SEMA6D: variants seen among roughly 807,000 people sequenced by gnomAD.
SEMA6D encodes semaphorin-6D.
A neutral mutation model predicts 106.6 loss-of-function variants in SEMA6D; 35 were observed. The ratio of observed to expected loss-of-function variants is 0.33; its 90% CI spans 0.25 to 0.44. The LOEUF (loss-of-function observed/expected upper bound fraction) is 0.44. Among genes scored for constraint, SEMA6D ranks in the 20% least tolerant of loss-of-function variants. The pLI, the probability that SEMA6D is intolerant of heterozygous loss-of-function variation, is 1.00. For synonymous variants in SEMA6D, 499 were observed against 487.7 expected, an observed-to-expected ratio of 1.02 and a Z score of -0.31; for missense variants, 1,185 against 1,345.9, an observed-to-expected ratio of 0.88 and a Z score of 1.87.
intron 1 of SEMA6D, among the ~76,000 whole-genome samples, chr15:47,378,027 C>T (rs2039508723): frequency 1.3e-5 from 2 of 152,182 alleles, no homozygotes; most frequent in African/African-American, 2.4e-5. Flanking sequence ...AAAGCCCATA[C>T]TTGAACCGTG....
chr15:47,499,224 T>C (rs545156359), intron 3 of SEMA6D, among the ~76,000 whole-genome samples: 1 of 152,206 alleles, frequency 6.6e-6, no homozygotes, highest in East Asian at 1.9e-4. Flanking sequence ...AAGACTGAGG[T>C]CTAAGACCAA....
intron 1 of SEMA6D, among the ~76,000 whole-genome samples, chr15:47,191,436 T>C (rs2140952633): frequency 6.6e-6 from 1 of 152,256 alleles, no homozygotes; most frequent in East Asian, 1.9e-4. Flanking sequence ...TGTTACCTTT[T>C]ATGGAAAGGT....
At chr15:47,333,738 G>C (rs962189991) in intron 1 of SEMA6D, among the ~76,000 whole-genome samples, 1 of 152,158 alleles carries the variant, frequency 6.6e-6, no homozygotes, top group African/African-American at 2.4e-5. Context: ...TTTTAACTGG[G>C]GGAAGGCAAA....
intron 3 of SEMA6D, among the ~76,000 whole-genome samples, chr15:47,600,443 G>T (rs1386288296): frequency 2.0e-5 from 3 of 152,096 alleles, no homozygotes; most frequent in Non-Finnish European, 4.4e-5. Flanking sequence ...TGAAACAGCT[G>T]CCTCAGCCCA....
At chr15:47,476,981 C>T (rs540365623) in intron 3 of SEMA6D, among the ~76,000 whole-genome samples, 21 of 152,204 alleles carry the variant, frequency 1.4e-4, no homozygotes, top group East Asian at 7.7e-4. Context: ...ATGAAAAGTC[C>T]GTGGTGTGGG....
At chr15:47,300,992 T>G (rs1459286199) in intron 1 of SEMA6D, among the ~76,000 whole-genome samples, 2 of 152,242 alleles carry the variant, frequency 1.3e-5, no homozygotes, top group East Asian at 3.8e-4. Context: ...GCTACTCACT[T>G]GCTTCCTCCA....
At chr15:47,472,055 A>G (rs2042866102) in intron 3 of SEMA6D, among the ~76,000 whole-genome samples, 1 of 152,030 alleles carries the variant, frequency 6.6e-6, no homozygotes, top group Admixed American at 6.6e-5. Context: ...CAAATACTTT[A>G]TCCTTGGAAA....
intron 1 of SEMA6D, among the ~76,000 whole-genome samples, chr15:47,198,116 TCA>T (rs1033341170): frequency 2.6e-5 from 4 of 152,206 alleles, no homozygotes; most frequent in Non-Finnish European, 5.9e-5. Context: ...ATGATCTCAC[TCA>T]CACGTGGAAT....
At chr15:47,392,354 T>C (rs949376276) in intron 1 of SEMA6D, among the ~76,000 whole-genome samples, 1 of 152,132 alleles carries the variant, frequency 6.6e-6, no homozygotes, top group African/African-American at 2.4e-5. Flanking sequence ...GAAGATGTGA[T>C]TAAATTGAGG....
At chr15:47,760,835 C>T (rs1006574430) in intron 3 of SEMA6D, 143 bp from the exon 4 acceptor site, 2 of 724,866 alleles carry the variant, frequency 2.8e-6, no homozygotes, top group Non-Finnish European at 4.5e-6. Context: ...TGAAAAAGTA[C>T]TCTTTGTTGA....
intron 3 of SEMA6D, among the ~76,000 whole-genome samples, chr15:47,491,455 A>G (rs1297325877): frequency 6.6e-6 from 1 of 150,826 alleles, no homozygotes; most frequent in Non-Finnish European, 1.5e-5. Context: ...AGGCAAAAAT[A>G]AGCAATACAT....
intron 4 of SEMA6D, among the ~76,000 whole-genome samples, chr15:47,609,419 C>G (rs924738300): frequency 6.6e-6 from 1 of 152,104 alleles, no homozygotes; most frequent in African/African-American, 2.4e-5. Flanking sequence ...AAATATGAGT[C>G]TACAAGTTTA....
chr15:47,496,115 A>T (rs1388656497), intron 3 of SEMA6D, among the ~76,000 whole-genome samples: 3 of 151,992 alleles, frequency 2.0e-5, no homozygotes, highest in Admixed American at 1.3e-4. Flanking sequence ...TAGGTTTCTG[A>T]TTACTGATGC....
chr15:47,213,588 A>T (rs975761223), intron 1 of SEMA6D, among the ~76,000 whole-genome samples: 3 of 152,204 alleles, frequency 2.0e-5, no homozygotes, highest in African/African-American at 7.2e-5. Context: ...ATGGTCTTAC[A>T]TGCTTAGCTA....
chr15:47,450,117 A>G (rs1036028225), intron 2 of SEMA6D, among the ~76,000 whole-genome samples: 2 of 152,114 alleles, frequency 1.3e-5, no homozygotes, highest in Non-Finnish European at 2.9e-5. Context: ...TTCAGAGCCC[A>G]TTGCACAGGC....
intron 3 of SEMA6D, among the ~76,000 whole-genome samples, chr15:47,555,181 T>C (rs999728425): frequency 6.6e-6 from 1 of 152,156 alleles, no homozygotes; most frequent in African/African-American, 2.4e-5. Flanking sequence ...TCAGGTAGTC[T>C]AAGGGAGGTA....
intron 1 of SEMA6D, among the ~76,000 whole-genome samples, chr15:47,743,107 G>C (rs1220302312): frequency 6.6e-6 from 1 of 152,146 alleles, no homozygotes; most frequent in Non-Finnish European, 1.5e-5. Context: ...TAGGAAATGG[G>C]CCGGACAATA....
chr15:47,695,188 G>C (rs2078672867), intron 4 of SEMA6D, among the ~76,000 whole-genome samples: 1 of 152,132 alleles, frequency 6.6e-6, no homozygotes, highest in Non-Finnish European at 1.5e-5. Flanking sequence ...GACTCAAGCT[G>C]ATTTATAATA....
At chr15:47,722,151 G>A (rs2079460164) in intron 1 of SEMA6D, among the ~76,000 whole-genome samples, 1 of 152,060 alleles carries the variant, frequency 6.6e-6, no homozygotes. Context: ...TTAAAAGGAG[G>A]CTTGCCCCAA....
Sources: gnomAD v4.1 joint callset for allele counts (sites outside exome capture counted in the v4.1 genomes callset) on GRCh38, gnomAD v4.1.1 for gene constraint, MANE v1.5 for transcripts, NCBI Gene and HGNC (gene_info 2026-07-23, HGNC 2026-07-21) for gene names.